Variants in POLD1 observed in about 807,000 individuals in gnomAD.
The protein encoded by POLD1 is DNA polymerase delta 1, catalytic subunit.
A neutral mutation model predicts 129.7 loss-of-function variants in POLD1; 79 were observed. That is an observed-to-expected ratio of 0.61 (90% confidence interval 0.51 to 0.73). The LOEUF (loss-of-function observed/expected upper bound fraction) is 0.73, where lower values mean the gene tolerates loss of function less well. POLD1 is among the 30% of genes least tolerant of loss of function. The probability of loss-of-function intolerance (pLI) is 0.00; values close to 1 mark genes in which losing one functional copy is unlikely to be tolerated. For synonymous variants in POLD1, 714 were observed against 683.3 expected (o/e 1.04, Z -0.70); for missense variants, 1,338 against 1,595.8 (o/e 0.84, Z 2.75).
At chr19:50,404,478 G>C (rs1010051321) in intron 10 of POLD1, among the ~76,000 whole-genome samples, 1 of 149,458 alleles carries the variant, frequency 6.7e-6, no homozygotes, top group African/African-American at 2.5e-5. Flanking sequence ...TAGCGAGGAT[G>C]GTCTTGATCT....
At chr19:50,396,913 T>C (rs1381059240) in intron 1 of POLD1, among the ~76,000 whole-genome samples, 2 of 148,510 alleles carry the variant, frequency 1.3e-5, no homozygotes, top group African/African-American at 2.5e-5. Context: ...ATGGCCAACA[T>C]GGCGAAACCC....
rs3219448 is a variant in POLD1 at position 50,417,278 on chromosome 19, C to T, written c.3218+9C>T. ...GACGTCATCTGCACCAGGTGTGTGC[C>T]ATGTCCCGACCCTGGGCTGCCCCGC... On this transcript the variant is annotated intron_variant, in intron 26 of 26. Transcript: ENST00000440232. 2.7e-3 allele frequency: 4,183 copies of T among 1,568,130 alleles called. 51 individuals carry two copies. Among genetic ancestry groups the T allele is most frequent in the African/African-American group, 0.021 (1,544 of 74,208 alleles).
chr19:50,388,979 C>T (rs770153592), intron 1 of POLD1, among the ~76,000 whole-genome samples: 8 of 151,536 alleles, frequency 5.3e-5, no homozygotes, highest in African/African-American at 1.2e-4. Flanking sequence ...ACTATAGGCG[C>T]GCACCACCAC....
intron 1 of POLD1, among the ~76,000 whole-genome samples, chr19:50,397,550 G>A (rs1293342041): frequency 2.0e-5 from 3 of 151,608 alleles, no homozygotes; most frequent in South Asian, 2.1e-4. Context: ...GATTACAGGC[G>A]CCTGCTACCT....
At chr19:50,392,037 C>G (rs528728252) in intron 1 of POLD1, among the ~76,000 whole-genome samples, 146 of 151,896 alleles carry the variant, frequency 9.6e-4, no homozygotes, top group African/African-American at 3.1e-3. Context: ...CTTTTTTAAT[C>G]CAAGTTCTAA....
Position 50,398,961 on chromosome 19 carries a change from A to T in POLD1, c.110A>T (p.Asp37Val), listed in dbSNP as rs1486924942. 6.3e-7 allele frequency: 1 copy of T among 1,582,512 alleles called. No individual in the cohort carries two copies. The highest frequency in any genetic ancestry group is 1.3e-5 in the African/African-American group (1 of 74,550). Residue 37 changes from aspartate (D) to valine (V), a missense_variant, in exon 2 of 27, where the codon GAC (aspartate) becomes GTC (valine). This residue lies in a region of POLD1 where 332 missense variants were observed against 315.7 expected (regional missense o/e 1.05). Coordinates refer to ENST00000440232, the MANE Select transcript of POLD1 (RefSeq NM_002691.4). ...CCTCGGCCATCCCAATTCGAGGAGGACCTGGCACTGATGGAGGAGATGGAG... is the reference window on the plus strand; with the variant it reads ...CCTCGGCCATCCCAATTCGAGGAGGTCCTGGCACTGATGGAGGAGATGGAG... The part of the protein sequence containing the change: ...DAPRPSQFEE[D>V]LALMEEMEAE...
In POLD1 at chr19:50,402,066, C is replaced by T. The variant is rs150702648; in HGVS notation, c.531C>T (p.Arg177=). 1.1e-5 allele frequency: 17 copies of T among 1,613,954 alleles called. No individual in the cohort carries two copies. Among genetic ancestry groups the T allele is most frequent in the East Asian group, 6.7e-5 (3 of 44,848 alleles). ...ACTTGGCCATCAGCCGGGACAGTCG[C>T]GGGGGGAGGGAGCTGACTGGGCCGG... ...ELNLAISRDS[R]GGRELTGPAV... is the part of the protein sequence containing the mutation. Residue 177 remains arginine, a synonymous_variant, in exon 5 of 27, where the codon CGC becomes CGT. Coordinates refer to ENST00000440232, the MANE Select transcript of POLD1 (RefSeq NM_002691.4).
At position 50,402,166 on chromosome 19, in the gene POLD1, G is replaced by A. The variant is rs369577290; in HGVS notation, c.590-39G>A. 216 of 1,592,012 alleles carry A rather than the reference G, an allele frequency of 1.4e-4. 1 individual carries two copies. The African/African-American group carries it at 2.7e-3, about 20-fold the overall frequency. On this transcript the variant is annotated intron_variant, in intron 5 of 26. Coordinates refer to ENST00000440232, the MANE Select transcript of POLD1 (RefSeq NM_002691.4). ...GATCAGCGGGTTGGAGGGTCCCCTC[G>A]GGAGGCCATTGGCTGGTCCCAGCTT...
Position 50,407,028 on chromosome 19 carries a change from A to G in POLD1, c.1540A>G (p.Lys514Glu). The G allele has an allele frequency of 6.2e-7, 1 of 1,613,222 alleles. No individual in the cohort carries two copies. Among genetic ancestry groups the G allele is most frequent in the Non-Finnish European group, 8.5e-7 (1 of 1,179,888 alleles). ...CCGCCGCCTGGCTGTGTACTGCCTG[A>G]AGGATGCCTACCTGCCACTGCGGCT... ...TRRRLAVYCLKDAYLPLRLLE... is the reference protein window; with the variant it reads ...TRRRLAVYCLEDAYLPLRLLE... Residue 514 changes from lysine to glutamate, a missense_variant, in exon 13 of 27, where the codon AAG becomes GAG. Lys to Glu is a moderately conservative substitution (Grantham distance 56). Transcript: ENST00000440232.
intron 20 of POLD1, 82 bp from the exon 21 acceptor site, chr19:50,415,356 G>A (rs1414591142): frequency 1.4e-6 from 2 of 1,397,116 alleles, no homozygotes; most frequent in East Asian, 2.3e-5. Context: ...GCTCATCCTG[G>A]TCTCCAGCCC....
intron 14 of POLD1, 140 bp downstream of exon 14, chr19:50,407,555 T>TATTTA (rs2122347838): frequency 2.5e-6 from 1 of 395,182 alleles, no homozygotes. Context: ...TTATTTTTAT[T>TATTTA]TATTTTTATT....
rs147108748 is a variant in POLD1 at position 50,413,828 on chromosome 19, G to C, written c.2337G>C (p.Ala779=). 1 of 1,612,298 alleles carries C rather than the reference G, an allele frequency of 6.2e-7. No homozygotes were observed. The highest frequency in any genetic ancestry group is 8.5e-7 in the Non-Finnish European group (1 of 1,179,386). The stretch of plus-strand genomic sequence containing the variant: ...CGATGGCCCTGGGGCGGGAGGCCGC[G>C]GACTGGGTGTCAGGTCACTTCCCGT... ...AEAMALGREA[A]DWVSGHFPSP... The change falls in exon 19 of 27, where the codon GCG becomes GCC. Residue 779 remains alanine, a synonymous_variant. Transcript: ENST00000440232.
At chr19:50,385,623 A>G (rs1240354389) in intron 1 of POLD1, among the ~76,000 whole-genome samples, 1 of 149,016 alleles carries the variant, frequency 6.7e-6, no homozygotes, top group Non-Finnish European at 1.5e-5. Flanking sequence ...CCGCCTCCCG[A>G]GTTCAGGCGA....
In POLD1 at chr19:50,415,450, C is replaced by T. The variant is rs149366027; in HGVS notation, c.2577C>T (p.Gly859=). ...RRLLIDRDPE[G]AVAHAQDVIS... Reference sequence around the variant, plus strand: ...CGCTCTCCTACAGAGACCCTGAGGGCGCGGTGGCTCACGCACAGGACGTCA... The same window carrying T: ...CGCTCTCCTACAGAGACCCTGAGGGTGCGGTGGCTCACGCACAGGACGTCA... Residue 859 remains glycine (G), a synonymous_variant, in exon 21 of 27, where the codon GGC becomes GGT. Transcript: ENST00000440232. 1,249 of 1,612,576 alleles carry T rather than the reference C, an allele frequency of 7.7e-4. 13 individuals are homozygous for T. Among genetic ancestry groups the T allele is most frequent in the African/African-American group, 6.5e-4 (49 of 75,030 alleles).
In POLD1 at chr19:50,393,182, C is replaced by G. The variant is rs77254467; in HGVS notation, c.-1-5669C>G. ...GTGGCATTTACATGGCGTGCCATGC[C>G]CAGGTCTCCAGTGTACAGTCAGCTG... On this transcript the variant is annotated intron_variant, in intron 1 of 26. Transcript: ENST00000440232. Among the ~76,000 whole-genome samples, 3 of 152,246 alleles carry G rather than the reference C, an allele frequency of 2.0e-5. No individual in the cohort carries two copies. In the East Asian group the frequency reaches 5.8e-4, roughly 29 times the overall value.
intron 10 of POLD1, among the ~76,000 whole-genome samples, chr19:50,405,865 TCA>T: frequency 6.6e-6 from 1 of 152,192 alleles, no homozygotes. Context: ...GGCCGCCTGC[TCA>T]CAGTGTCCCC....
At chr19:50,408,090 A>G (rs1157862611) in intron 14 of POLD1, among the ~76,000 whole-genome samples, 1 of 151,062 alleles carries the variant, frequency 6.6e-6, no homozygotes, top group Non-Finnish European at 1.5e-5. Flanking sequence ...CAATCCCAGC[A>G]CTTTGGGAGG....
chr19:50,385,555 G>A (rs562395924), intron 1 of POLD1, among the ~76,000 whole-genome samples: 2 of 142,646 alleles, frequency 1.4e-5, no homozygotes, highest in Admixed American at 1.4e-4. Flanking sequence ...TTGAGACAGA[G>A]TCTTGCTCTG....
intron 1 of POLD1, among the ~76,000 whole-genome samples, chr19:50,396,829 C>T (rs137944054): frequency 0.031 from 4,731 of 152,134 alleles, 231 homozygotes; most frequent in African/African-American, 0.11. Context: ...GGCTTGGTGG[C>T]TTACGCCTGT....
Sources: gnomAD v4.1 joint callset for allele counts (sites outside exome capture counted in the v4.1 genomes callset) on GRCh38, gnomAD v4.1.1 for gene constraint, gnomAD v4.1.1 regional missense constraint, MANE v1.5 for transcripts, NCBI Gene and HGNC (gene_info 2026-07-23, HGNC 2026-07-21) for gene names.